The following FYB2 variants were observed in gnomAD, a reference collection of about 807,000 sequenced individuals.
FYB2 encodes FYN-binding protein 2.
Under a neutral mutation model 94.1 loss-of-function variants are expected in FYB2, and 103 were observed. The ratio of observed to expected loss-of-function variants is 1.09; its 90% CI spans 0.93 to 1.29. The LOEUF (loss-of-function observed/expected upper bound fraction) is 1.29. Ranked by LOEUF, FYB2 falls within the 50% of genes most tolerant of loss-of-function variation. The pLI is 0.00. For missense variants in FYB2, 896 were observed against 841.5 expected (o/e 1.06, Z -0.80); for synonymous variants, 293 against 287.9 (o/e 1.02, Z -0.18).
intron 5 of FYB2, among the ~76,000 whole-genome samples, chr1:56,764,975 A>G (rs2100793150): frequency 1.3e-5 from 2 of 152,332 alleles, no homozygotes; most frequent in Middle Eastern, 6.8e-3. Context: ...GACCTCATGT[A>G]ATACTAACTA....
At chr1:56,732,306 C>T (rs1644729415) in intron 15 of FYB2, among the ~76,000 whole-genome samples, 1 of 152,008 alleles carries the variant, frequency 6.6e-6, no homozygotes, top group Admixed American at 6.6e-5. Flanking sequence ...GAAAATGACA[C>T]AACACTGATG....
chr1:56,792,972 C>A lies in FYB2; in HGVS notation c.10-169G>T, dbSNP rs185218695. Among the ~76,000 whole-genome samples the A allele has an allele frequency of 4.9e-4, 75 of 152,132 alleles. No homozygotes were observed. In the South Asian group the frequency reaches 0.011, roughly 22 times the overall value. ...CTGATATAACGCAATTGCTTCTGGG[C>A]AATGTTAGCCAGCAATGCTATTGTC... On this transcript the variant is annotated intron_variant, in intron 1 of 19. Transcript: ENST00000343433.
At chr1:56,747,492 G>A (rs1373605025) in intron 9 of FYB2, among the ~76,000 whole-genome samples, 5 of 152,004 alleles carry the variant, frequency 3.3e-5, no homozygotes, top group Admixed American at 2.0e-4. Flanking sequence ...CCACTTATGA[G>A]TGAGAATGTG....
At chr1:56,719,990 C>T in intron 19 of FYB2, 32 bp downstream of exon 19, 2 of 1,554,538 alleles carry the variant, frequency 1.3e-6, no homozygotes, top group Non-Finnish European at 1.8e-6. Flanking sequence ...ATTAGGAACT[C>T]ATGATTTAAA....
At chr1:56,787,040 C>T in intron 4 of FYB2, 135 bp downstream of exon 4, 1 of 933,660 alleles carries the variant, frequency 1.1e-6, no homozygotes, top group Non-Finnish European at 1.7e-6. Context: ...CACTTTGTTG[C>T]TTATAAGTTC....
intron 5 of FYB2, among the ~76,000 whole-genome samples, chr1:56,759,960 T>A (rs1372122620): frequency 6.6e-6 from 1 of 150,982 alleles, no homozygotes; most frequent in African/African-American, 2.4e-5. Context: ...AGGCCTATAA[T>A]CCCAGCTACT....
At chr1:56,789,175 T>G (rs756514618) in intron 2 of FYB2, 41 bp from the exon 3 acceptor site, 6 of 1,527,000 alleles carry the variant, frequency 3.9e-6, no homozygotes, top group Non-Finnish European at 4.4e-6. Context: ...ATGATTATTT[T>G]CATTTCATAG....
chr1:56,786,215 C>G (rs1646129767), intron 4 of FYB2, among the ~76,000 whole-genome samples: 1 of 152,202 alleles, frequency 6.6e-6, no homozygotes, highest in Non-Finnish European at 1.5e-5. Flanking sequence ...AACATATGAG[C>G]AAACCCAGCT....
chr1:56,752,015 G>T (rs1211073506), intron 8 of FYB2, among the ~76,000 whole-genome samples: 2 of 151,922 alleles, frequency 1.3e-5, no homozygotes, highest in Non-Finnish European at 2.9e-5. Context: ...GTGGATAAAG[G>T]AGTATCTGGC....
chr1:56,791,019 T>TA (rs1646250785), intron 2 of FYB2, among the ~76,000 whole-genome samples: 1 of 151,972 alleles, frequency 6.6e-6, no homozygotes, highest in Non-Finnish European at 1.5e-5. Flanking sequence ...GGAAGACAGG[T>TA]AGGAGATAAG....
intron 9 of FYB2, among the ~76,000 whole-genome samples, chr1:56,746,335 A>C (rs1469189929): frequency 6.6e-6 from 1 of 151,728 alleles, no homozygotes; most frequent in African/African-American, 2.4e-5. Context: ...GATATTTTTA[A>C]ATTTTTATCT....
At chr1:56,761,627 C>T (rs1046026973) in intron 5 of FYB2, among the ~76,000 whole-genome samples, 17 of 152,082 alleles carry the variant, frequency 1.1e-4, no homozygotes, top group Non-Finnish European at 1.9e-4. Flanking sequence ...TGCCCAATGC[C>T]AAGTTCTGTA....
chr1:56,821,263 C>G (rs6672492), upstream of FYB2, among the ~76,000 whole-genome samples: 18,066 of 152,262 alleles, frequency 0.12, 1,420 homozygotes, highest in Non-Finnish European at 0.17. Flanking sequence ...GTGGGTGGAG[C>G]AGGGCAGCAG....
chr1:56,738,038 AAAC>A (rs1160981083), intron 14 of FYB2, among the ~76,000 whole-genome samples: 1 of 152,112 alleles, frequency 6.6e-6, no homozygotes, highest in African/African-American at 2.4e-5. Flanking sequence ...AAAAACTAAC[AAAC>A]AACAGAACAC....
chr1:56,737,084 T>A lies in FYB2; in HGVS notation c.1793+3A>T. ...GGGATGACCAATAAGGTAAATTACT[T>A]ACTTTGACTCTTTTTCACTCAGGTC... On this transcript the variant is annotated splice_donor_region_variant and intron_variant, in intron 15 of 19. Coordinates refer to ENST00000343433, the MANE Select transcript of FYB2 (RefSeq NM_001004303.5). The A allele has an allele frequency of 6.3e-7, 1 of 1,593,700 alleles. No individual in the cohort carries two copies. Among genetic ancestry groups the A allele is most frequent in the Non-Finnish European group, 8.6e-7 (1 of 1,164,352 alleles).
intron 15 of FYB2, among the ~76,000 whole-genome samples, chr1:56,735,941 T>C (rs1319672856): frequency 1.3e-5 from 2 of 152,124 alleles, no homozygotes; most frequent in East Asian, 1.9e-4. Context: ...TAGTTTTAAA[T>C]AGCTAGAAGG....
At chr1:56,776,725 A>G (rs1237012711) in intron 4 of FYB2, among the ~76,000 whole-genome samples, 1 of 152,174 alleles carries the variant, frequency 6.6e-6, no homozygotes, top group African/African-American at 2.4e-5. Context: ...AGGCTTTTAA[A>G]TAGGAGCCTG....
At chr1:56,802,024 T>C (rs1288832484) in intron 1 of FYB2, among the ~76,000 whole-genome samples, 2 of 152,146 alleles carry the variant, frequency 1.3e-5, no homozygotes, top group Non-Finnish European at 2.9e-5. Flanking sequence ...GGAGTCCAAG[T>C]GAAGGAGTTA....
At chr1:56,769,169 G>C (rs539701517) in intron 4 of FYB2, among the ~76,000 whole-genome samples, 1 of 152,220 alleles carries the variant, frequency 6.6e-6, no homozygotes, top group Non-Finnish European at 1.5e-5. Flanking sequence ...CTCCTGAATA[G>C]CTGGGACTAC....
Sources: allele counts gnomAD v4.1 joint callset (sites outside exome capture counted in the v4.1 genomes callset), GRCh38; gene constraint gnomAD v4.1.1; transcripts MANE v1.5; gene names NCBI Gene and HGNC (gene_info 2026-07-23, HGNC 2026-07-21).